The following SLC71A2 variants were observed in gnomAD, a reference collection of about 807,000 sequenced individuals.
The protein encoded by SLC71A2 is solute carrier family 71 member 2.
the SLC71A2 span, among the ~76,000 whole-genome samples, chr9:94,426,747 A>C: frequency 6.8e-6 from 1 of 147,190 alleles, no homozygotes; most frequent in East Asian, 1.9e-4. Context: ...TATTTTTTTC[A>C]GGCAAATGCC....
chr9:94,409,129 CTTTTTTTT>C, the SLC71A2 span, among the ~76,000 whole-genome samples: 58 of 68,238 alleles, frequency 8.5e-4, no homozygotes, highest in Admixed American at 7.2e-4. Context: ...GCCCGGCCTC[CTTTTTTTT>C]TTTTTTTTTT....
chr9:94,418,255 G>A, the SLC71A2 span, among the ~76,000 whole-genome samples: 1 of 152,094 alleles, frequency 6.6e-6, no homozygotes, highest in Non-Finnish European at 1.5e-5. Context: ...CTATGCTTTT[G>A]TTTGAATAAT....
the SLC71A2 span, among the ~76,000 whole-genome samples, chr9:94,431,324 A>G: frequency 6.6e-6 from 1 of 152,114 alleles, no homozygotes; most frequent in South Asian, 2.1e-4. Flanking sequence ...AAAAAAAAAA[A>G]AAAATTATGC....
chr9:94,374,987 C>A, the SLC71A2 span: 1 of 1,175,522 alleles, frequency 8.5e-7, no homozygotes. Flanking sequence ...GGGGTCGCAC[C>A]CAGGGCCCGC....
the SLC71A2 span, among the ~76,000 whole-genome samples, chr9:94,450,513 G>A: frequency 9.1e-4 from 17 of 18,766 alleles, 1 homozygote; most frequent in Non-Finnish European, 1.4e-3. Context: ...TTTTTGAGAT[G>A]GAGTCTCACT....
At chr9:94,374,970 G>T in the SLC71A2 span, 5 of 1,227,208 alleles carry the variant, frequency 4.1e-6, no homozygotes, top group Non-Finnish European at 5.1e-6. Flanking sequence ...TCCCGGGGAG[G>T]CTGGGTGGGG....
chr9:94,429,358 C>A, the SLC71A2 span: 1 of 1,461,652 alleles, frequency 6.8e-7, no homozygotes, highest in Non-Finnish European at 9.2e-7. Flanking sequence ...ACTATTTGTT[C>A]TGGAGGCTGA....
At chr9:94,455,531 C>T in the SLC71A2 span, among the ~76,000 whole-genome samples, 1 of 151,954 alleles carries the variant, frequency 6.6e-6, no homozygotes, top group Admixed American at 6.6e-5. Flanking sequence ...GACTTTTTAC[C>T]AGATTAACTT....
the SLC71A2 span, chr9:94,451,508 T>G: frequency 6.4e-7 from 1 of 1,568,932 alleles, no homozygotes; most frequent in Non-Finnish European, 8.7e-7. Context: ...ATGGTAGGAA[T>G]TCTGTCTATT....
the SLC71A2 span, among the ~76,000 whole-genome samples, chr9:94,391,652 T>C: frequency 0.48 from 69,666 of 146,232 alleles, 16,915 homozygotes; most frequent in East Asian, 0.59. Context: ...CTTTGGGAGG[T>C]TGAGGCGGGC....
the SLC71A2 span, among the ~76,000 whole-genome samples, chr9:94,455,097 G>GAGTA: frequency 2.7e-5 from 4 of 150,094 alleles, no homozygotes; most frequent in East Asian, 3.9e-4. Flanking sequence ...TTAGTTTGGG[G>GAGTA]AGTAAGTACA....
the SLC71A2 span, among the ~76,000 whole-genome samples, chr9:94,419,827 C>G: frequency 1.5e-4 from 23 of 152,186 alleles, no homozygotes; most frequent in African/African-American, 5.3e-4. Context: ...GAAGTCTCTA[C>G]AGTATGCAGC....
the SLC71A2 span, among the ~76,000 whole-genome samples, chr9:94,391,197 C>CAAAA: frequency 3.4e-5 from 2 of 59,054 alleles, no homozygotes; most frequent in South Asian, 5.4e-4. Flanking sequence ...ATGTCTCTAC[C>CAAAA]AAAAAAAAAA....
chr9:94,442,328 GACT>G, the SLC71A2 span, among the ~76,000 whole-genome samples: 1 of 152,088 alleles, frequency 6.6e-6, no homozygotes, highest in Non-Finnish European at 1.5e-5. Flanking sequence ...TTAACTTGTT[GACT>G]TTAGACATCA....
chr9:94,456,963 C>A, the SLC71A2 span, among the ~76,000 whole-genome samples: 8 of 129,056 alleles, frequency 6.2e-5, no homozygotes, highest in Non-Finnish European at 1.3e-4. Flanking sequence ...CACCCTTCCT[C>A]CCCCCACCCC....
At chr9:94,396,773 T>A in the SLC71A2 span, among the ~76,000 whole-genome samples, 1 of 152,164 alleles carries the variant, frequency 6.6e-6, no homozygotes, top group African/African-American at 2.4e-5. Context: ...TCTAATATAT[T>A]TTTTTTCTTT....
At chr9:94,456,321 A>C in the SLC71A2 span, 3 of 1,614,032 alleles carry the variant, frequency 1.9e-6, no homozygotes, top group Non-Finnish European at 2.5e-6. Flanking sequence ...CTCGGAATGC[A>C]GAGTCAGATC....
the SLC71A2 span, among the ~76,000 whole-genome samples, chr9:94,389,738 C>G: frequency 6.6e-6 from 1 of 151,966 alleles, no homozygotes; most frequent in African/African-American, 2.4e-5. Context: ...TCTGGAGTAG[C>G]TAGGACTATA....
At chr9:94,447,509 CTA>C in the SLC71A2 span, among the ~76,000 whole-genome samples, 1 of 140,262 alleles carries the variant, frequency 7.1e-6, no homozygotes, top group South Asian at 2.3e-4. Flanking sequence ...TTTAAATAGA[CTA>C]TTTTTCTAGA....
Sources: gnomAD v4.1 joint callset for allele counts (sites outside exome capture counted in the v4.1 genomes callset) on GRCh38, gnomAD v4.1.1 for gene constraint, MANE v1.5 for transcripts, NCBI Gene and HGNC (gene_info 2026-07-23, HGNC 2026-07-21) for gene names.